Variants in CCDC137 observed in about 807,000 individuals in gnomAD.
The protein encoded by CCDC137 is coiled-coil domain containing 137.
In CCDC137, 24 loss-of-function variants were observed where a neutral mutation model predicts 30.4. That is an observed-to-expected ratio of 0.79 (90% CI 0.57 to 1.11). CCDC137 has a LOEUF of 1.11. CCDC137 is among the 50% of genes least tolerant of loss of function. The pLI is 0.00. For missense variants in CCDC137, 417 were observed against 380.4 expected, an observed-to-expected ratio of 1.10 and a Z score of -0.80; for synonymous variants, 182 against 155.7, an observed-to-expected ratio of 1.17 and a Z score of -1.26.
rs570997392 is a variant in CCDC137, at chr17:81,666,865, G to A, written c.99G>A (p.Gly33=). The part of the protein sequence containing the change: ...ARGRQQVQPL[G]KQRPAPWPGL... ...GGCGGCAGCAAGTGCAGCCGCTGGGGAAGCAGCGCCCAGCCCCGTGGCCCG... is the reference window on the plus strand; with the variant it reads ...GGCGGCAGCAAGTGCAGCCGCTGGGAAAGCAGCGCCCAGCCCCGTGGCCCG... Residue 33 remains glycine (G), a synonymous_variant, in exon 1 of 6, where the codon GGG becomes GGA. Coordinates refer to ENST00000329214, the MANE Select transcript of CCDC137 (RefSeq NM_199287.3). 161 of 1,311,014 alleles carry A rather than the reference G, an allele frequency of 1.2e-4. No homozygotes were observed. The African/African-American group carries it at 1.5e-3, about 12-fold the overall frequency. The allele number at this position is 1,311,014 out of a possible 1,614,324, so 81.2% of individuals were successfully genotyped here. A position where few individuals can be genotyped will look rare whatever the true frequency, so the allele number is the denominator to read the frequency against.
At chr17:81,671,990 G>A (rs912430997) in intron 4 of CCDC137, 86 bp from the exon 5 acceptor site, 23 of 1,521,274 alleles carry the variant, frequency 1.5e-5, no homozygotes, top group Non-Finnish European at 4.6e-6. Flanking sequence ...CAGCCCTATG[G>A]GAGGGAGGTG....
At position 81,671,483 on chromosome 17, in the gene CCDC137, T is replaced by C. The variant is rs530328578; in HGVS notation, c.498-261T>C. The C allele has an allele frequency of 2.3e-4, 114 of 503,560 alleles. No homozygotes were observed. In the South Asian group the frequency reaches 2.4e-3, roughly 11 times the overall value. The allele number at this position is 503,560 out of a possible 1,614,324, so 31.2% of individuals were successfully genotyped here. A position where few individuals can be genotyped will look rare whatever the true frequency, so the allele number is the denominator to read the frequency against. On this transcript the variant is annotated intron_variant, in intron 3 of 5. Coordinates refer to ENST00000329214, the MANE Select transcript of CCDC137 (RefSeq NM_199287.3). Reference sequence around the variant, plus strand: ...CCCTTGCCCACGTGTCTGCACACATTGTCAGATGTTCCCTGGCAGGTAGCT... The same window carrying C: ...CCCTTGCCCACGTGTCTGCACACATCGTCAGATGTTCCCTGGCAGGTAGCT...
intron 3 of CCDC137, 129 bp downstream of exon 3, chr17:81,670,582 C>A: frequency 2.5e-6 from 2 of 796,986 alleles, no homozygotes; most frequent in Admixed American, 2.7e-5. Flanking sequence ...GGAGACCAAG[C>A]CAGAGCCCTG....
chr17:81,671,698 G>A (rs2036720904), intron 3 of CCDC137, 46 bp from the exon 4 acceptor site: 1 of 1,599,382 alleles, frequency 6.3e-7, no homozygotes, highest in Non-Finnish European at 8.6e-7. Context: ...CTCCCTGGGT[G>A]GAAAGAGAAT....
At chr17:81,667,673 T>A in intron 1 of CCDC137, 56 bp from the exon 2 acceptor site, 1 of 1,599,416 alleles carries the variant, frequency 6.3e-7, no homozygotes. Flanking sequence ...TTTCTCTTAC[T>A]GATTCTGCTT....
chr17:81,667,820 GA>G lies in CCDC137; in HGVS notation c.227del (p.Glu76GlyfsTer2), dbSNP rs772986370. On this transcript the variant is annotated frameshift_variant, in exon 2 of 6. Coordinates refer to ENST00000329214, the MANE Select transcript of CCDC137 (RefSeq NM_199287.3). LOFTEE classifies it high-confidence loss of function. ...CCGGGAGATTATGAGGAGCCGCCAAGAGATGAAAAACCCGATCAGTAACAAG... is the reference window on the plus strand; with the variant it reads ...CCGGGAGATTATGAGGAGCCGCCAAGGATGAAAAACCCGATCAGTAACAAG... ...RLREIMRSRQ[E>X]MKNPISNKKR... The G allele has an allele frequency of 2.5e-6, 4 of 1,612,422 alleles. No individual in the cohort carries two copies. The South Asian group carries it at 4.4e-5, about 18-fold the overall frequency.
Position 81,672,753 on chromosome 17 carries a change from G to A in CCDC137, c.*49G>A. 6.8e-7 allele frequency: 1 copy of A among 1,478,194 alleles called. No individual in the cohort carries two copies. Among genetic ancestry groups the A allele is most frequent in the South Asian group, 1.3e-5 (1 of 76,292 alleles). The allele number at this position is 1,478,194 out of a possible 1,614,324, so 91.6% of individuals were successfully genotyped here. ...CACGCTCTGGGGCAACTGGCACCAG[G>A]AGCTGCTACACCTGGGTAGGAGAGA... On this transcript the variant is annotated 3_prime_UTR_variant, in exon 6 of 6. Coordinates refer to ENST00000329214, the MANE Select transcript of CCDC137 (RefSeq NM_199287.3).
chr17:81,670,786 C>G (rs2036711551), intron 3 of CCDC137, among the ~76,000 whole-genome samples: 1 of 152,126 alleles, frequency 6.6e-6, no homozygotes, highest in African/African-American at 2.4e-5. Flanking sequence ...GGTTCTGTTT[C>G]CATTAGAACA....
rs750563919 is a variant in CCDC137, at chr17:81,672,631, A to AGCAGCG, written c.803_808dup (p.Arg268_Gln269dup). 4.4e-4 allele frequency: 701 copies of AGCAGCG among 1,599,430 alleles called. 1 individual carries two copies. The highest frequency in any genetic ancestry group is 4.7e-4 in the Non-Finnish European group (547 of 1,174,218). ...GCCGTGCAGGCCTACAGAGCGTTGA[A>AGCAGCG]GCAGCGGCAGCAGCAGCTGCACGGG... On this transcript the variant is annotated inframe_insertion, in exon 6 of 6. Transcript: ENST00000329214.
rs766324586 is a variant in CCDC137 at position 81,671,727 on chromosome 17, T to C, written c.498-17T>C. 3 of 1,611,594 alleles carry C rather than the reference T, an allele frequency of 1.9e-6. No individual in the cohort carries two copies. The highest frequency in any genetic ancestry group is 2.7e-5 in the African/African-American group (2 of 74,292). On this transcript the variant is annotated splice_polypyrimidine_tract_variant and intron_variant, in intron 3 of 5. Transcript: ENST00000329214. ...AGAGAATTTAGGAATCTGAGTGACA[T>C]GTGCTTTCTTCCCCAGGTTCCAGAA...
chr17:81,667,001 T>C, intron 1 of CCDC137, 101 bp downstream of exon 1: 1 of 1,198,132 alleles, frequency 8.3e-7, no homozygotes, highest in East Asian at 3.2e-5. Flanking sequence ...TCGGACCCCT[T>C]CCCCAGGTCG....
chr17:81,668,858 T>C (rs956566973), intron 2 of CCDC137, among the ~76,000 whole-genome samples: 1 of 150,476 alleles, frequency 6.6e-6, no homozygotes, highest in East Asian at 2.0e-4. Flanking sequence ...CGCACCACCA[T>C]ACCCAGCTAA....
At chr17:81,669,395 T>C (rs2036690983) in intron 2 of CCDC137, among the ~76,000 whole-genome samples, 1 of 152,140 alleles carries the variant, frequency 6.6e-6, no homozygotes, top group Non-Finnish European at 1.5e-5. Flanking sequence ...TCCGCCCACC[T>C]CAGCCTCCCA....
At position 81,673,065 on chromosome 17, in the gene CCDC137, C is replaced by T; in HGVS notation, c.*361C>T. On this transcript the variant is annotated 3_prime_UTR_variant, in exon 6 of 6. Transcript: ENST00000329214. Reference sequence around the variant, plus strand: ...CTGGCTCAGTGTGTGACGGAGGCCCCCGGGAGTCAGCAGAGCCGAGCGTAC... The same window carrying T: ...CTGGCTCAGTGTGTGACGGAGGCCCTCGGGAGTCAGCAGAGCCGAGCGTAC... 3.2e-6 allele frequency: 1 copy of T among 316,096 alleles called. No individual in the cohort carries two copies. The highest frequency in any genetic ancestry group is 6.0e-6 in the Non-Finnish European group (1 of 167,142). 19.6% of individuals were successfully genotyped at this position (316,096 alleles called of 1,614,324 possible). A position where few individuals can be genotyped will look rare whatever the true frequency, so the allele number is the denominator to read the frequency against.
chr17:81,671,766 A>G lies in CCDC137; in HGVS notation c.520A>G (p.Lys174Glu), dbSNP rs747425441. 2.5e-6 allele frequency: 4 copies of G among 1,612,334 alleles called. No homozygotes were observed. The highest frequency in any genetic ancestry group is 1.7e-5 in the Admixed American group (1 of 59,688). The change falls in exon 4 of 6, where the codon AAA becomes GAA. Residue 174 changes from lysine to glutamate, a missense_variant. Coordinates refer to ENST00000329214, the MANE Select transcript of CCDC137 (RefSeq NM_199287.3). ...KKAFQKRRLD[K>E]VRRKKEEKAA... is the part of the protein sequence containing the mutation. ...CAGGTTCCAGAAGCGGCGACTAGAT[A>G]AAGTCCGACGGAAAAAGGAGGAAAA...
chr17:81,667,331 T>A (rs2036648593), intron 1 of CCDC137, among the ~76,000 whole-genome samples: 1 of 149,742 alleles, frequency 6.7e-6, no homozygotes. Context: ...TTTTTTTTTT[T>A]TTTTTTTGAG....
intron 1 of CCDC137, 123 bp downstream of exon 1, chr17:81,667,023 C>G (rs1270741974): frequency 1.9e-6 from 2 of 1,039,300 alleles, no homozygotes; most frequent in Non-Finnish European, 2.5e-6. Context: ...GCTCAGTGCC[C>G]TCCTCTGTCT....
In CCDC137 at chr17:81,673,765, C is replaced by CGTCT. The variant is rs2036751363; in HGVS notation, c.*1063_*1066dup. On this transcript the variant is annotated 3_prime_UTR_variant, in exon 6 of 6. Coordinates refer to ENST00000329214, the MANE Select transcript of CCDC137 (RefSeq NM_199287.3). Reference sequence around the variant, plus strand: ...GAGCACCTCTGCCTGGCCGCCACCCCGTCTGGCAAGTGAGGAGCGCCTCTG... The same window carrying CGTCT: ...GAGCACCTCTGCCTGGCCGCCACCCCGTCTGTCTGGCAAGTGAGGAGCGCCTCTG... 1 of 152,328 alleles carries CGTCT rather than the reference C, an allele frequency of 6.6e-6. No individual in the cohort carries two copies. Among genetic ancestry groups the CGTCT allele is most frequent in the East Asian group, 1.9e-4 (1 of 5,204 alleles). 9.4% of individuals were successfully genotyped at this position (152,328 alleles called of 1,614,324 possible). A position where few individuals can be genotyped will look rare whatever the true frequency, so the allele number is the denominator to read the frequency against.
intron 2 of CCDC137, among the ~76,000 whole-genome samples, chr17:81,669,489 C>T (rs934913342): frequency 6.6e-6 from 1 of 152,124 alleles, no homozygotes; most frequent in African/African-American, 2.4e-5. Context: ...ACCTGCCTGG[C>T]ACTGTCCGCC....
Sources: gnomAD v4.1 joint callset for allele counts (sites outside exome capture counted in the v4.1 genomes callset) on GRCh38, gnomAD v4.1.1 for gene constraint, MANE v1.5 for transcripts, NCBI Gene and HGNC (gene_info 2026-07-23, HGNC 2026-07-21) for gene names.